The following OLFM3 variants were observed in gnomAD, a reference collection of about 807,000 sequenced individuals.
OLFM3 encodes noelin-3.
OLFM3 carries 20 observed loss-of-function variants against 48.6 expected under a neutral mutation model. That is an observed-to-expected ratio of 0.41 (90% CI 0.29 to 0.60). The LOEUF is 0.60. Among genes scored for constraint, OLFM3 ranks in the 20% least tolerant of loss-of-function variants. The pLI is 0.28. For synonymous variants in OLFM3, 222 were observed against 198.1 expected (o/e 1.12, Z -1.01); for missense variants, 437 against 544.3 (o/e 0.80, Z 1.96).
intron 1 of OLFM3, among the ~76,000 whole-genome samples, chr1:101,915,560 TCTCTC>T (rs1161057055): frequency 6.6e-6 from 1 of 152,116 alleles, no homozygotes; most frequent in East Asian, 1.9e-4. Context: ...AAATACAATA[TCTCTC>T]CTCTCTTAGT....
chr1:101,963,488 C>G (rs886342490), intron 1 of OLFM3, among the ~76,000 whole-genome samples: 1 of 149,552 alleles, frequency 6.7e-6, no homozygotes, highest in African/African-American at 2.5e-5. Context: ...GAAGGTAGCA[C>G]CACAGGCATC....
chr1:101,995,097 C>A (rs1279862727), intron 1 of OLFM3, among the ~76,000 whole-genome samples: 1 of 151,972 alleles, frequency 6.6e-6, no homozygotes, highest in Non-Finnish European at 1.5e-5. Flanking sequence ...ACAGACAAAT[C>A]AAATCACACA....
intron 1 of OLFM3, among the ~76,000 whole-genome samples, chr1:101,857,385 A>T (rs985533624): frequency 6.6e-6 from 1 of 151,994 alleles, no homozygotes; most frequent in Non-Finnish European, 1.5e-5. Context: ...TTATTCAACA[A>T]GTAATTTGGA....
chr1:101,806,005 G>T, intron 5 of OLFM3, 71 bp downstream of exon 5: 1 of 1,097,354 alleles, frequency 9.1e-7, no homozygotes, highest in Non-Finnish European at 1.3e-6. Context: ...TGAAGAAAAT[G>T]AATAGTCCAG....
At chr1:101,945,161 G>T (rs1377522557) in intron 1 of OLFM3, among the ~76,000 whole-genome samples, 1 of 152,016 alleles carries the variant, frequency 6.6e-6, no homozygotes, top group African/African-American at 2.4e-5. Flanking sequence ...TCACTTCTAG[G>T]TATTTATCCA....
At chr1:101,929,431 G>A (rs922159398) in intron 1 of OLFM3, among the ~76,000 whole-genome samples, 1 of 152,094 alleles carries the variant, frequency 6.6e-6, no homozygotes, top group Admixed American at 6.6e-5. Flanking sequence ...AGAAGAGTAA[G>A]TGGACTCAGC....
At chr1:101,898,280 G>T (rs181245255) in intron 1 of OLFM3, among the ~76,000 whole-genome samples, 78 of 152,122 alleles carry the variant, frequency 5.1e-4, no homozygotes, top group Non-Finnish European at 9.9e-4. Context: ...CCTTTTGACT[G>T]ATCAGGAAAC....
At chr1:101,940,386 CCT>C (rs1659752627) in intron 1 of OLFM3, among the ~76,000 whole-genome samples, 1 of 149,738 alleles carries the variant, frequency 6.7e-6, no homozygotes, top group African/African-American at 2.5e-5. Context: ...TTCTCACATC[CCT>C]CTCTTTTTGA....
chr1:101,978,081 T>G (rs564829581), intron 1 of OLFM3, among the ~76,000 whole-genome samples: 6 of 152,226 alleles, frequency 3.9e-5, no homozygotes, highest in African/African-American at 7.2e-5. Flanking sequence ...AGTTAGTTTA[T>G]CTAGCATTTA....
At chr1:101,958,187 A>C (rs1324706757) in intron 1 of OLFM3, among the ~76,000 whole-genome samples, 1 of 152,134 alleles carries the variant, frequency 6.6e-6, no homozygotes, top group Non-Finnish European at 1.5e-5. Context: ...TTTACTCAGT[A>C]CTGAAGTTTT....
At chr1:101,896,430 T>C (rs1658203230) in intron 1 of OLFM3, among the ~76,000 whole-genome samples, 1 of 151,798 alleles carries the variant, frequency 6.6e-6, no homozygotes, top group Non-Finnish European at 1.5e-5. Flanking sequence ...AATTTGAACA[T>C]GATATTTACT....
rs574344463 is a variant in OLFM3, at chr1:101,929,074, T to A, written c.69+67674A>T. On this transcript the variant is annotated intron_variant, in intron 1 of 5. Transcript: ENST00000370103. ...GCCAGAACTTGGATTGCACTCAAAC[T>A]GTCACATGCTTTCTAGCTATGATAA... Among the ~76,000 whole-genome samples the A allele has an allele frequency of 4.6e-5, 7 of 152,240 alleles. No individual in the cohort carries two copies. The South Asian group carries it at 1.5e-3, about 32-fold the overall frequency.
chr1:101,821,509 T>C (rs1654605674), intron 4 of OLFM3, among the ~76,000 whole-genome samples: 1 of 152,058 alleles, frequency 6.6e-6, no homozygotes, highest in Non-Finnish European at 1.5e-5. Context: ...GCCTGGACGT[T>C]TTCTACATTG....
chr1:101,804,670 A>G lies in OLFM3; in HGVS notation c.945T>C (p.Asn315=). Residue 315 remains asparagine (N), a synonymous_variant, in exon 6 of 6, where the codon AAT becomes AAC. Transcript: ENST00000370103. The surrounding 1 kb of genome is among the most constrained non-coding windows in gnomAD (Gnocchi z 4.5). ...ATCCACCCCATGTGTAGGGGTAAACATTATGAAAACCAGCATACTCCAGGC... is the reference window on the plus strand; with the variant it reads ...ATCCACCCCATGTGTAGGGGTAAACGTTATGAAAACCAGCATACTCCAGGC... ...QRSLEYAGFH[N]VYPYTWGGFS... The G allele has an allele frequency of 6.2e-7, 1 of 1,612,616 alleles. No individual in the cohort carries two copies. Among genetic ancestry groups the G allele is most frequent in the Non-Finnish European group, 8.5e-7 (1 of 1,179,178 alleles).
At chr1:101,970,488 C>T (rs1660750743) in intron 1 of OLFM3, among the ~76,000 whole-genome samples, 1 of 152,030 alleles carries the variant, frequency 6.6e-6, no homozygotes, top group Admixed American at 6.6e-5. Flanking sequence ...TTTCATCTAC[C>T]CCTCCTTTCT....
chr1:101,824,152 G>C (rs1442899059), intron 4 of OLFM3, among the ~76,000 whole-genome samples: 1 of 151,660 alleles, frequency 6.6e-6, no homozygotes, highest in Non-Finnish European at 1.5e-5. Flanking sequence ...CAATTTTCCT[G>C]ATCCACAAAA....
chr1:101,954,306 A>G (rs1342379524), intron 1 of OLFM3, among the ~76,000 whole-genome samples: 1 of 152,110 alleles, frequency 6.6e-6, no homozygotes, highest in Non-Finnish European at 1.5e-5. Flanking sequence ...AAAAGGATTT[A>G]CTTCAAATTT....
chr1:101,949,774 CA>C (rs1369753654), intron 1 of OLFM3, among the ~76,000 whole-genome samples: 1 of 151,600 alleles, frequency 6.6e-6, no homozygotes, highest in Admixed American at 6.6e-5. Flanking sequence ...ACTAAAAATA[CA>C]AAAAATCAGC....
chr1:101,984,057 T>C (rs951972093), intron 1 of OLFM3, among the ~76,000 whole-genome samples: 8 of 152,082 alleles, frequency 5.3e-5, no homozygotes, highest in African/African-American at 1.4e-4. Context: ...GAGGCCAGCC[T>C]GGGCAACATG....
Sources: allele counts gnomAD v4.1 joint callset (sites outside exome capture counted in the v4.1 genomes callset), GRCh38; gene constraint gnomAD v4.1.1; non-coding constraint Gnocchi (gnomAD v3.1); transcripts MANE v1.5; gene names NCBI Gene and HGNC (gene_info 2026-07-23, HGNC 2026-07-21).